Variants in SYT14 observed in about 807,000 individuals in gnomAD.
The protein encoded by SYT14 is synaptotagmin-14.
In SYT14, 32 loss-of-function variants were observed where a neutral mutation model predicts 74.2. The ratio of observed to expected loss-of-function variants is 0.43; its 90% CI spans 0.33 to 0.58. The LOEUF (loss-of-function observed/expected upper bound fraction) is 0.58. Ranked by LOEUF, SYT14 falls within the 20% of genes least tolerant of loss-of-function variation. The pLI, the probability that SYT14 is intolerant of heterozygous loss-of-function variation, is 0.05. For synonymous variants in SYT14, 298 were observed against 337.7 expected (o/e 0.88, Z 1.29); for missense variants, 791 against 981.8 (o/e 0.81, Z 2.60).
At chr1:210,163,977 T>C (rs555601759) in exon 10 of SYT14, 6 of 452,422 alleles carry the variant, frequency 1.3e-5, no homozygotes, top group South Asian at 4.7e-5. Context: ...TAAAATGATA[T>C]AGTCCAAATA....
At chr1:210,067,473 C>T (rs76655895) in intron 5 of SYT14, among the ~76,000 whole-genome samples, 17 of 151,942 alleles carry the variant, frequency 1.1e-4, no homozygotes, top group African/African-American at 1.7e-4. Context: ...TTTCTTTCAA[C>T]GATGTTTTTC....
intron 7 of SYT14, among the ~76,000 whole-genome samples, chr1:210,146,916 T>A (rs903709893): frequency 6.6e-6 from 1 of 151,842 alleles, no homozygotes; most frequent in Non-Finnish European, 1.5e-5. Flanking sequence ...ACTACTTCTT[T>A]CCTTAAAAGA....
exon 10 of SYT14, chr1:210,170,026 T>C (rs2083507064): frequency 6.6e-6 from 1 of 152,058 alleles, no homozygotes; most frequent in Admixed American, 6.5e-5. Context: ...ATATAGTTTC[T>C]ACAGAGCTTT....
chr1:210,064,547 T>C (rs1038771039), intron 5 of SYT14, among the ~76,000 whole-genome samples: 1 of 152,102 alleles, frequency 6.6e-6, no homozygotes, highest in Non-Finnish European at 1.5e-5. Flanking sequence ...GTTTGGTTTA[T>C]TTCATTTAGC....
At chr1:210,161,485 A>C (rs537672132) in exon 10 of SYT14, 2 of 454,174 alleles carry the variant, frequency 4.4e-6, no homozygotes, top group African/African-American at 2.0e-5. Flanking sequence ...AATGTTCTTT[A>C]ATATGAAAAA....
chr1:209,944,130 A>G (rs1197031620), intron 1 of SYT14, among the ~76,000 whole-genome samples: 1 of 152,222 alleles, frequency 6.6e-6, no homozygotes, highest in Non-Finnish European at 1.5e-5. Context: ...TATCTTCAGT[A>G]TTCTGAACTT....
intron 1 of SYT14, among the ~76,000 whole-genome samples, chr1:209,942,356 A>G (rs1205451659): frequency 9.8e-6 from 1 of 102,124 alleles, no homozygotes; most frequent in Non-Finnish European, 1.7e-5. Context: ...CTCCATGCAA[A>G]TTTACCCCCC....
intron 7 of SYT14, among the ~76,000 whole-genome samples, chr1:210,107,354 G>A (rs1157571759): frequency 6.6e-6 from 1 of 152,186 alleles, no homozygotes; most frequent in East Asian, 1.9e-4. Flanking sequence ...AATTCAAGGT[G>A]AAACTTGAGT....
chr1:209,977,530 G>T (rs2102781492), intron 2 of SYT14, among the ~76,000 whole-genome samples: 2 of 152,196 alleles, frequency 1.3e-5, no homozygotes, highest in East Asian at 1.9e-4. Flanking sequence ...GTTGAATATT[G>T]GTCCCCACTG....
intron 1 of SYT14, among the ~76,000 whole-genome samples, chr1:209,945,957 C>T (rs755595037): frequency 5.3e-5 from 8 of 152,150 alleles, no homozygotes; most frequent in Admixed American, 3.9e-4. Flanking sequence ...CTCTGTGTCA[C>T]GTTTTGGTAA....
At chr1:210,152,826 T>C (rs1464127696) in intron 7 of SYT14, among the ~76,000 whole-genome samples, 1 of 151,788 alleles carries the variant, frequency 6.6e-6, no homozygotes, top group Non-Finnish European at 1.5e-5. Flanking sequence ...GGGAACATAA[T>C]GGTTTAGTTC....
intron 2 of SYT14, among the ~76,000 whole-genome samples, chr1:209,996,481 A>T (rs1024933868): frequency 6.6e-6 from 1 of 152,132 alleles, no homozygotes; most frequent in African/African-American, 2.4e-5. Context: ...AACCAAAACA[A>T]AAAAGACCTG....
chr1:210,000,205 G>A (rs1160265751), intron 2 of SYT14, among the ~76,000 whole-genome samples: 1 of 151,980 alleles, frequency 6.6e-6, no homozygotes, highest in Admixed American at 6.6e-5. Context: ...TTCTATATTT[G>A]TAAGTATTAT....
intron 2 of SYT14, among the ~76,000 whole-genome samples, chr1:210,003,241 G>A (rs182925471): frequency 1.3e-5 from 2 of 152,248 alleles, no homozygotes; most frequent in Non-Finnish European, 2.9e-5. Flanking sequence ...GCAAGTGTCT[G>A]TGTCTGGCCT....
At chr1:210,011,484 G>A (rs964123996) in intron 2 of SYT14, among the ~76,000 whole-genome samples, 21 of 152,188 alleles carry the variant, frequency 1.4e-4, no homozygotes, top group African/African-American at 4.1e-4. Context: ...CACTCCTACC[G>A]TTCCTCCCGC....
exon 10 of SYT14, chr1:210,162,977 A>C (rs1403420896): frequency 2.2e-6 from 1 of 452,756 alleles, no homozygotes. Flanking sequence ...ATCAAATGGC[A>C]AAATATCTCA....
chr1:210,058,002 A>G (rs1034408124), intron 5 of SYT14, among the ~76,000 whole-genome samples: 5 of 152,188 alleles, frequency 3.3e-5, no homozygotes, highest in African/African-American at 1.2e-4. Context: ...CACAGATTAT[A>G]GTGATGTATA....
At chr1:209,942,406 A>T (rs964365673) in intron 1 of SYT14, among the ~76,000 whole-genome samples, 2 of 121,994 alleles carry the variant, frequency 1.6e-5, no homozygotes, top group South Asian at 2.8e-4. Context: ...TCTGAGAGGC[A>T]TTTTTAAGTA....
At chr1:210,040,186 G>A (rs1459995532) in intron 5 of SYT14, among the ~76,000 whole-genome samples, 1 of 152,130 alleles carries the variant, frequency 6.6e-6, no homozygotes, top group Non-Finnish European at 1.5e-5. Context: ...ATACTATGCA[G>A]CCATAAAAAG....
Sources: allele counts gnomAD v4.1 joint callset (sites outside exome capture counted in the v4.1 genomes callset), GRCh38; gene constraint gnomAD v4.1.1; transcripts MANE v1.5; gene names NCBI Gene and HGNC (gene_info 2026-07-23, HGNC 2026-07-21).